Variants in CCDC88C observed in about 807,000 individuals in gnomAD.
CCDC88C encodes protein Daple.
Under a neutral mutation model 198.8 loss-of-function variants are expected in CCDC88C, and 131 were observed. The ratio of observed to expected loss-of-function variants is 0.66; its 90% CI spans 0.57 to 0.76. The LOEUF (loss-of-function observed/expected upper bound fraction) is 0.76, where lower values mean the gene tolerates loss of function less well. CCDC88C is among the 30% of genes least tolerant of loss of function. The probability of loss-of-function intolerance (pLI) is 0.00; values close to 1 mark genes in which losing one functional copy is unlikely to be tolerated. For synonymous variants in CCDC88C, 1,166 were observed against 1,114.7 expected (o/e 1.05, Z -0.92); for missense variants, 2,553 against 2,631.6 (o/e 0.97, Z 0.65).
In CCDC88C at chr14:91,294,279, G is replaced by A; in HGVS notation, c.4006C>T (p.His1336Tyr). Residue 1336 changes from histidine to tyrosine, a missense_variant, in exon 23 of 30, where the codon CAT becomes TAT. Coordinates refer to ENST00000389857, the MANE Select transcript of CCDC88C (RefSeq NM_001080414.4). Reference protein sequence around the residue: ...RLKGNLEEENHHLLSQIQLLS... With the variant: ...RLKGNLEEENYHLLSQIQLLS... ...AGCTGGATCTGGCTCAGGAGGTGAT[G>A]ATTTTCTTCCTCCAAGTTCCCCTTG... 2 of 1,614,026 alleles carry A rather than the reference G, an allele frequency of 1.2e-6. No homozygotes were observed. Among genetic ancestry groups the A allele is most frequent in the Non-Finnish European group, 1.7e-6 (2 of 1,179,890 alleles).
chr14:91,416,830 A>C lies in CCDC88C; in HGVS notation c.69T>G (p.Thr23=). 6.2e-7 allele frequency: 1 copy of C among 1,612,444 alleles called. No homozygotes were observed. The highest frequency in any genetic ancestry group is 8.5e-7 in the Non-Finnish European group (1 of 1,178,974). The change falls in exon 2 of 30, where the codon ACT becomes ACG. Residue 23 remains threonine (T), a synonymous_variant. Transcript: ENST00000389857. The part of the protein sequence containing the change: ...LQSPLVTWVK[T]FGPFGSGSQD... ...GGCTGCCGCTTCCAAACGGGCCAAA[A>C]GTTTTCACCTGCGGGGAGGGGGACG...
chr14:91,283,637 G>A lies in CCDC88C; in HGVS notation c.4442-120C>T, dbSNP rs955282665. On this transcript the variant is annotated intron_variant, in intron 25 of 29. Transcript: ENST00000389857. ...TGAGGACCACAGAGACAAAAGCGGG[G>A]CTGCCACAGCTCTCGGGCTGCAACT... 9.6e-6 allele frequency: 9 copies of A among 938,062 alleles called. No homozygotes were observed. In the African/African-American group the frequency reaches 1.3e-4, roughly 14 times the overall value. The allele number at this position is 938,062 out of a possible 1,614,324, so 58.1% of individuals were successfully genotyped here.
At chr14:91,309,822 T>C in intron 16 of CCDC88C, 37 bp downstream of exon 16, 2 of 1,586,694 alleles carry the variant, frequency 1.3e-6, no homozygotes, top group Non-Finnish European at 1.7e-6. Context: ...GTGGAGGAAG[T>C]GCTCCCACGA....
intron 3 of CCDC88C, among the ~76,000 whole-genome samples, chr14:91,406,180 A>G (rs941251087): frequency 2.6e-5 from 4 of 152,240 alleles, no homozygotes; most frequent in African/African-American, 9.6e-5. Flanking sequence ...GTGAGTGTCA[A>G]GTCCATTTTG....
intron 24 of CCDC88C, 92 bp downstream of exon 24, chr14:91,290,902 CG>C: frequency 1.3e-6 from 1 of 742,726 alleles, no homozygotes; most frequent in Non-Finnish European, 2.4e-6. Flanking sequence ...GTGGATGGTG[CG>C]GGGCCTGCCC....
intron 3 of CCDC88C, among the ~76,000 whole-genome samples, chr14:91,363,329 T>C (rs973098405): frequency 2.0e-5 from 3 of 151,750 alleles, no homozygotes; most frequent in African/African-American, 7.3e-5. Context: ...CAGGCTAGTC[T>C]TGAACTCCTG....
rs975551545 is a variant in CCDC88C at position 91,313,565 on chromosome 14, C to T, written c.2251G>A (p.Gly751Ser). The T allele has an allele frequency of 5.0e-6, 8 of 1,611,622 alleles. No homozygotes were observed. In the African/African-American group the frequency reaches 6.7e-5, roughly 13 times the overall value. Residue 751 changes from glycine (G) to serine (S), a missense_variant, in exon 15 of 30, where the codon GGC becomes AGC. Around this residue, in one of 2 missense-constraint regions of CCDC88C, gnomAD observed 1,260 missense variants for 1,412.0 expected, o/e 0.89. Transcript: ENST00000389857. The surrounding 1 kb of genome is among the most constrained non-coding windows in gnomAD (Gnocchi z 5.2). ...RKNVDLLKAL[G>S]KKSERLELSY... ...AGCTCCAGGCGCTCTGACTTCTTGC[C>T]CAGCGCCTTGAGCAGATCCACGTTC...
Position 91,272,442 on chromosome 14 carries a change from A to T in CCDC88C, c.*183T>A. Reference sequence around the variant, plus strand: ...ACAGAAAACACGTTACACACCTGGAAGCGTAATCCTCTTGGGGCTTGGCAC... The same window carrying T: ...ACAGAAAACACGTTACACACCTGGATGCGTAATCCTCTTGGGGCTTGGCAC... On this transcript the variant is annotated 3_prime_UTR_variant, in exon 30 of 30. Coordinates refer to ENST00000389857, the MANE Select transcript of CCDC88C (RefSeq NM_001080414.4). 3 of 612,466 alleles carry T rather than the reference A, an allele frequency of 4.9e-6. No homozygotes were observed. In the South Asian group the frequency reaches 6.2e-5, roughly 13 times the overall value. The allele number at this position is 612,466 out of a possible 1,614,324, so 37.9% of individuals were successfully genotyped here.
chr14:91,321,122 T>C lies in CCDC88C; in HGVS notation c.1525A>G (p.Lys509Glu), dbSNP rs1892337028. The change falls in exon 13 of 30, where the codon AAG (lysine) becomes GAG (glutamate). Residue 509 changes from lysine (K) to glutamate (E), a missense_variant and splice_region_variant. This residue lies in a region of CCDC88C where 1,260 missense variants were observed against 1,412.0 expected (regional missense o/e 0.89). Coordinates refer to ENST00000389857, the MANE Select transcript of CCDC88C (RefSeq NM_001080414.4). ...LEKENHQLSK[K>E]IEKLQTQLER... is the part of the protein sequence containing the mutation. ...GTGGCCTAAGGAGGCCGAGGTACCT[T>C]CTTGCTGAGCTGGTGGTTCTCCTTC... 1 of 1,608,092 alleles carries C rather than the reference T, an allele frequency of 6.2e-7. No individual in the cohort carries two copies. The highest frequency in any genetic ancestry group is 1.3e-5 in the African/African-American group (1 of 74,696).
intron 23 of CCDC88C, among the ~76,000 whole-genome samples, chr14:91,292,706 G>A (rs996413515): frequency 2.0e-5 from 3 of 151,994 alleles, no homozygotes; most frequent in Admixed American, 1.3e-4. Context: ...CTGCCCGGAC[G>A]CCAATACCAG....
chr14:91,398,122 C>T (rs978880932), intron 3 of CCDC88C, among the ~76,000 whole-genome samples: 15 of 152,208 alleles, frequency 9.9e-5, no homozygotes, highest in African/African-American at 3.6e-4. Context: ...ATTCATCTCT[C>T]AGCCTTTTGA....
chr14:91,315,882 C>A, intron 13 of CCDC88C, 95 bp from the exon 14 acceptor site: 1 of 1,319,212 alleles, frequency 7.6e-7, no homozygotes, highest in South Asian at 1.4e-5. Context: ...ACAGAATGCA[C>A]TGATGGGTCT....
At chr14:91,320,024 CAAAAAAAAAA>C (rs61102058) in intron 13 of CCDC88C, among the ~76,000 whole-genome samples, 9 of 24,156 alleles carry the variant, frequency 3.7e-4, no homozygotes, top group African/African-American at 5.3e-4. Context: ...AACTCAGTCT[CAAAAAAAAAA>C]AAAAAAAAAA....
chr14:91,308,139 G>A (rs529884571), intron 17 of CCDC88C, among the ~76,000 whole-genome samples: 9 of 152,306 alleles, frequency 5.9e-5, no homozygotes, highest in Admixed American at 2.6e-4. Context: ...GCCACTGCCC[G>A]CCTCCCCGCA....
intron 12 of CCDC88C, among the ~76,000 whole-genome samples, chr14:91,322,232 G>C (rs941363807): frequency 6.6e-6 from 1 of 152,160 alleles, no homozygotes; most frequent in Non-Finnish European, 1.5e-5. Context: ...GTGGGTACAG[G>C]GGGGTGATGG....
intron 3 of CCDC88C, among the ~76,000 whole-genome samples, chr14:91,388,908 C>A (rs1384972734): frequency 6.6e-6 from 1 of 152,192 alleles, no homozygotes; most frequent in Non-Finnish European, 1.5e-5. Flanking sequence ...CCCTGAAGCA[C>A]CTGAATGTGC....
chr14:91,372,039 G>A (rs1275381606), intron 3 of CCDC88C, among the ~76,000 whole-genome samples: 1 of 152,148 alleles, frequency 6.6e-6, no homozygotes, highest in African/African-American at 2.4e-5. Context: ...CACAGCACAA[G>A]GGGTACCAGC....
intron 5 of CCDC88C, among the ~76,000 whole-genome samples, chr14:91,342,711 T>C (rs1567088164): frequency 6.6e-6 from 1 of 152,150 alleles, no homozygotes; most frequent in African/African-American, 2.4e-5. Context: ...CCCACCCAGA[T>C]TGAAAAGACC....
rs1891974917 is a variant in CCDC88C at position 91,313,967 on chromosome 14, G to GCAGCTGCCGCTTCTCAAACTC, written c.1828_1848dup (p.Glu610_Leu616dup). 1 of 1,613,492 alleles carries GCAGCTGCCGCTTCTCAAACTC rather than the reference G, an allele frequency of 6.2e-7. No individual in the cohort carries two copies. Among genetic ancestry groups the GCAGCTGCCGCTTCTCAAACTC allele is most frequent in the Non-Finnish European group, 8.5e-7 (1 of 1,179,860 alleles). ...TCCTTGGCCTGCTCCAAGTCCCTGT[G>GCAGCTGCCGCTTCTCAAACTC]CAGCTGCCGCTTCTCAAACTCCAAC... On this transcript the variant is annotated inframe_insertion, in exon 15 of 30. Transcript: ENST00000389857. The surrounding 1 kb of genome is among the most constrained non-coding windows in gnomAD (Gnocchi z 5.2).
Sources: gnomAD v4.1 joint callset for allele counts (sites outside exome capture counted in the v4.1 genomes callset) on GRCh38, gnomAD v4.1.1 for gene constraint, gnomAD v4.1.1 regional missense constraint, Gnocchi (gnomAD v3.1) non-coding constraint, MANE v1.5 for transcripts, NCBI Gene and HGNC (gene_info 2026-07-23, HGNC 2026-07-21) for gene names.